Variants in NOSIP observed in about 807,000 individuals in gnomAD.
NOSIP encodes the protein nitric oxide synthase interacting protein, also known as nitric oxide synthase-interacting protein.
Under a neutral mutation model 36.4 loss-of-function variants are expected in NOSIP, and 25 were observed. The observed-to-expected ratio is 0.69, with a 90% CI of 0.50 to 0.96. The LOEUF is 0.96. Among genes scored for constraint, NOSIP ranks in the 40% least tolerant of loss-of-function variants. The pLI is 0.00. For synonymous variants in NOSIP, 187 were observed against 179.2 expected (o/e 1.04, Z -0.35); for missense variants, 370 against 429.0 (o/e 0.86, Z 1.21).
intron 5 of NOSIP, 44 bp from the exon 6 acceptor site, chr19:49,557,037 C>T (rs1417890891): frequency 6.9e-6 from 11 of 1,591,188 alleles, no homozygotes; most frequent in Non-Finnish European, 9.4e-6. Context: ...CCTGGGCCCG[C>T]CCAGCCCGCG....
At position 49,555,775 on chromosome 19, in the gene NOSIP, T is replaced by G. The variant is rs2080228034; in HGVS notation, c.882A>C (p.Lys294Asn). 6.2e-7 allele frequency: 1 copy of G among 1,613,334 alleles called. No homozygotes were observed. ...AGSGVKLQAE[K>N]SRPVMQA ...CTCAGGCCTGCATCACCGGCCGTGA[T>G]TTCTCCGCTTGCAGCTTCACTCCGG... is the stretch of plus-strand genomic sequence containing the variant. The change falls in exon 9 of 9, where the codon AAA (lysine) becomes AAC (asparagine). Residue 294 changes from lysine (K) to asparagine (N), a missense_variant. Lys to Asn is a moderately conservative substitution (Grantham distance 94). This residue lies in a region of NOSIP where 18 missense variants were observed against 36.9 expected (regional missense o/e 0.49). Coordinates refer to ENST00000596358, the MANE Select transcript of NOSIP (RefSeq NM_001270960.2).
chr19:49,560,724 GT>G lies in NOSIP; in HGVS notation c.-1-33del. ...AGGAAGGGACAGTGGCAGGACTGTG[GT>G]TACCGGAGGCAGGCAGCACAGGGAA... On this transcript the variant is annotated intron_variant, in intron 1 of 8. Coordinates refer to ENST00000596358, the MANE Select transcript of NOSIP (RefSeq NM_001270960.2). This position sits in a 1 kb window ranked among gnomAD's most constrained non-coding sequence, Gnocchi z 4.6. 6.6e-7 allele frequency: 1 copy of G among 1,526,586 alleles called. No homozygotes were observed. Among genetic ancestry groups the G allele is most frequent in the South Asian group, 1.2e-5 (1 of 84,288 alleles). The allele number at this position is 1,526,586 out of a possible 1,614,324, so 94.6% of individuals were successfully genotyped here.
intron 1 of NOSIP, among the ~76,000 whole-genome samples, chr19:49,572,286 T>C (rs530352669): frequency 4.0e-4 from 60 of 150,960 alleles, no homozygotes; most frequent in Non-Finnish European, 4.3e-4. Context: ...TTTGTATTTT[T>C]AGTAGAGATG....
At chr19:49,574,104 C>G (rs970641147) in intron 1 of NOSIP, among the ~76,000 whole-genome samples, 1 of 152,092 alleles carries the variant, frequency 6.6e-6, no homozygotes, top group African/African-American at 2.4e-5. Context: ...CTCAGGTGAT[C>G]TACTACCTCG....
intron 1 of NOSIP, among the ~76,000 whole-genome samples, chr19:49,579,869 G>C (rs549659448): frequency 8.4e-4 from 127 of 152,040 alleles, no homozygotes; most frequent in Non-Finnish European, 4.9e-4. Flanking sequence ...TTTTATATAA[G>C]TTTGAACATT....
chr19:49,574,016 T>C (rs538563025), intron 1 of NOSIP, among the ~76,000 whole-genome samples: 1 of 152,120 alleles, frequency 6.6e-6, no homozygotes, highest in South Asian at 2.1e-4. Flanking sequence ...CACACCACCA[T>C]GCCTAGATAC....
chr19:49,560,132 G>A lies in NOSIP; in HGVS notation c.71-93C>T, dbSNP rs111915322. 410 of 787,256 alleles carry A rather than the reference G, an allele frequency of 5.2e-4. 2 individuals carry two copies. The highest frequency in any genetic ancestry group is 4.0e-3 in the Middle Eastern group (17 of 4,210). 48.8% of individuals were successfully genotyped at this position (787,256 alleles called of 1,614,324 possible). On this transcript the variant is annotated intron_variant, in intron 2 of 8. Coordinates refer to ENST00000596358, the MANE Select transcript of NOSIP (RefSeq NM_001270960.2). The surrounding 1 kb of genome is among the most constrained non-coding windows in gnomAD (Gnocchi z 4.6). ...CCAGAGAGAGGCACAGAGACAACGC[G>A]GTGGTGGGGGTGGGGGACTCAGAGA... is the stretch of plus-strand genomic sequence containing the variant.
rs2080314629 is a variant in NOSIP at position 49,560,279 on chromosome 19, G to A, written c.71-240C>T. On this transcript the variant is annotated intron_variant, in intron 2 of 8. Coordinates refer to ENST00000596358, the MANE Select transcript of NOSIP (RefSeq NM_001270960.2). This position sits in a 1 kb window ranked among gnomAD's most constrained non-coding sequence, Gnocchi z 4.6. ...GGTCACTGAGTGGCAGCTTGGTGGAGGGGCTGACGGCTGACTCCCCTCCAC... is the reference window on the plus strand; with the variant it reads ...GGTCACTGAGTGGCAGCTTGGTGGAAGGGCTGACGGCTGACTCCCCTCCAC... The A allele has an allele frequency of 1.7e-6, 1 of 578,396 alleles. No homozygotes were observed. The highest frequency in any genetic ancestry group is 3.1e-6 in the Non-Finnish European group (1 of 323,856). The allele number at this position is 578,396 out of a possible 1,614,324, so 35.8% of individuals were successfully genotyped here.
At chr19:49,559,011 A>G in intron 3 of NOSIP, 33 bp from the exon 4 acceptor site, 1 of 1,579,694 alleles carries the variant, frequency 6.3e-7, no homozygotes, top group Admixed American at 1.7e-5. Flanking sequence ...GAAAGAAAGA[A>G]AGTGATCCTC....
At chr19:49,576,848 C>A (rs181793044) in intron 1 of NOSIP, among the ~76,000 whole-genome samples, 97 of 137,598 alleles carry the variant, frequency 7.0e-4, no homozygotes, top group Middle Eastern at 8.1e-3. Flanking sequence ...CGCACCATTG[C>A]ACTCCAGCCT....
chr19:49,569,178 TCTA>T (rs1429520859), intron 1 of NOSIP, among the ~76,000 whole-genome samples: 2 of 148,888 alleles, frequency 1.3e-5, no homozygotes, highest in East Asian at 4.1e-4. Context: ...GCACAGGAAA[TCTA>T]CTGTGCATAC....
At chr19:49,567,791 C>T (rs1473401219) in intron 1 of NOSIP, among the ~76,000 whole-genome samples, 2 of 152,122 alleles carry the variant, frequency 1.3e-5, no homozygotes, top group African/African-American at 4.8e-5. Context: ...CCTGCCTCAG[C>T]CTCCCCAGCA....
At chr19:49,569,754 G>C (rs1418449306) in intron 1 of NOSIP, among the ~76,000 whole-genome samples, 1 of 151,912 alleles carries the variant, frequency 6.6e-6, no homozygotes, top group Non-Finnish European at 1.5e-5. Flanking sequence ...GTTGCAGTGA[G>C]CCAAGATCGC....
chr19:49,560,075 G>T lies in NOSIP; in HGVS notation c.71-36C>A, dbSNP rs779524635. 1 of 1,405,092 alleles carries T rather than the reference G, an allele frequency of 7.1e-7. No individual in the cohort carries two copies. The highest frequency in any genetic ancestry group is 1.2e-5 in the South Asian group (1 of 83,618). 87.0% of individuals were successfully genotyped at this position (1,405,092 alleles called of 1,614,324 possible). The stretch of plus-strand genomic sequence containing the variant: ...AGATGGGCAGAGTGATGGAGGGGCG[G>T]AGCAACAGGAGACATGTCCGTCTCC... On this transcript the variant is annotated intron_variant, in intron 2 of 8. Coordinates refer to ENST00000596358, the MANE Select transcript of NOSIP (RefSeq NM_001270960.2). The surrounding 1 kb of genome is among the most constrained non-coding windows in gnomAD (Gnocchi z 4.6).
rs1423355663 is a variant in NOSIP, at chr19:49,555,727, GTTTA to G, written c.*20_*23del. 2.4e-5 allele frequency: 38 copies of G among 1,606,932 alleles called. No individual in the cohort carries two copies. The highest frequency in any genetic ancestry group is 3.0e-5 in the Non-Finnish European group (35 of 1,174,540). ...GCCACGTCGTTGCGCACCCAAGCCG[GTTTA>G]TTTGGTCTCCCGCACACACTCAGGC... On this transcript the variant is annotated 3_prime_UTR_variant, in exon 9 of 9. Transcript: ENST00000596358.
At chr19:49,575,085 T>G (rs369833126) in intron 1 of NOSIP, among the ~76,000 whole-genome samples, 43 of 152,128 alleles carry the variant, frequency 2.8e-4, no homozygotes, top group Admixed American at 4.6e-4. Flanking sequence ...GGATGGTCTC[T>G]ATCTCCTGAC....
At chr19:49,567,410 C>T (rs560737588) in intron 1 of NOSIP, among the ~76,000 whole-genome samples, 45 of 152,262 alleles carry the variant, frequency 3.0e-4, no homozygotes, top group African/African-American at 1.0e-3. Context: ...CGTGAGCCAC[C>T]GTGCCCGGCC....
intron 1 of NOSIP, among the ~76,000 whole-genome samples, chr19:49,562,799 G>A (rs2080352817): frequency 6.6e-6 from 1 of 152,116 alleles, no homozygotes; most frequent in Non-Finnish European, 1.5e-5. Context: ...GAGACTCATT[G>A]AACCTGGGAG....
In NOSIP at chr19:49,561,289, C is replaced by T. The variant is rs146481382; in HGVS notation, c.-1-597G>A. Among the ~76,000 whole-genome samples the T allele has an allele frequency of 3.1e-3, 478 of 152,254 alleles. 7 individuals carry two copies. Among genetic ancestry groups the T allele is most frequent in the African/African-American group, 0.011 (453 of 41,534 alleles). On this transcript the variant is annotated intron_variant, in intron 1 of 8. Coordinates refer to ENST00000596358, the MANE Select transcript of NOSIP (RefSeq NM_001270960.2). ...GGCAGGTCAGAGTAGGGCTCTGTGTCTAGGGGAAGAGCTACCTCCACTCCC... is the reference window on the plus strand; with the variant it reads ...GGCAGGTCAGAGTAGGGCTCTGTGTTTAGGGGAAGAGCTACCTCCACTCCC...
Sources: gnomAD v4.1 joint callset for allele counts (sites outside exome capture counted in the v4.1 genomes callset) on GRCh38, gnomAD v4.1.1 for gene constraint, gnomAD v4.1.1 regional missense constraint, Gnocchi (gnomAD v3.1) non-coding constraint, MANE v1.5 for transcripts, NCBI Gene and HGNC (gene_info 2026-07-23, HGNC 2026-07-21) for gene names.